CDKL3: variants seen among roughly 807,000 people sequenced by gnomAD.
CDKL3 encodes the protein cyclin dependent kinase like 3.
A neutral mutation model predicts 69.3 loss-of-function variants in CDKL3; 65 were observed. The observed-to-expected ratio is 0.94, with a 90% CI of 0.77 to 1.15. CDKL3 has a LOEUF of 1.15. Ranked by LOEUF, CDKL3 falls within the 50% of genes most tolerant of loss-of-function variation. CDKL3 has a pLI of 0.00. For missense variants in CDKL3, 652 were observed against 689.2 expected (o/e 0.95, Z 0.61); for synonymous variants, 202 against 221.6 (o/e 0.91, Z 0.79).
downstream of CDKL3, chr5:134,298,383 G>A: frequency 8.2e-7 from 1 of 1,220,796 alleles, no homozygotes; most frequent in Non-Finnish European, 1.0e-6. Flanking sequence ...TCATGTCACG[G>A]CTTGTGTTAT....
In CDKL3 at chr5:134,333,351, T is replaced by C. The variant is rs943150538; in HGVS notation, c.540-11448A>G. Among the ~76,000 whole-genome samples the C allele has an allele frequency of 3.3e-5, 5 of 152,352 alleles. No homozygotes were observed. In the South Asian group the frequency reaches 8.3e-4, roughly 25 times the overall value. On this transcript the variant is annotated intron_variant, in intron 4 of 12. Transcript: ENST00000265334. Reference sequence around the variant, plus strand: ...GCCCTGGCCAGAACTTCCAATACTGTGCTGAATAGGAGTGGTGAGAGAGGA... The same window carrying C: ...GCCCTGGCCAGAACTTCCAATACTGCGCTGAATAGGAGTGGTGAGAGAGGA...
intron 4 of CDKL3, among the ~76,000 whole-genome samples, chr5:134,341,813 G>C (rs1750564536): frequency 6.6e-6 from 1 of 152,224 alleles, no homozygotes; most frequent in Non-Finnish European, 1.5e-5. Context: ...TGCATAATAA[G>C]ATTAGAGTGG....
intron 4 of CDKL3, among the ~76,000 whole-genome samples, chr5:134,335,428 T>A (rs111970648): frequency 6.6e-6 from 1 of 152,224 alleles, no homozygotes; most frequent in Non-Finnish European, 1.5e-5. Context: ...CGATGGTCTT[T>A]ACAATTTGGC....
At chr5:134,338,708 C>T (rs140918978) in intron 4 of CDKL3, among the ~76,000 whole-genome samples, 1 of 149,902 alleles carries the variant, frequency 6.7e-6, no homozygotes, top group South Asian at 2.1e-4. Context: ...AACACACACA[C>T]ACAGATAGTA....
chr5:134,304,265 G>GA, intron 11 of CDKL3, 140 bp downstream of exon 11: 1 of 673,138 alleles, frequency 1.5e-6, no homozygotes. Flanking sequence ...ACAATGGGGA[G>GA]AAAATCTCAT....
chr5:134,370,244 A>G (rs1319808871), upstream of CDKL3, among the ~76,000 whole-genome samples: 2 of 152,242 alleles, frequency 1.3e-5, no homozygotes, highest in Non-Finnish European at 2.9e-5. Context: ...CAGAGTCCTT[A>G]GTATAACAAA....
intron 12 of CDKL3, among the ~76,000 whole-genome samples, chr5:134,300,592 TCA>T (rs1766072412): frequency 1.3e-5 from 2 of 152,210 alleles, no homozygotes; most frequent in Non-Finnish European, 2.9e-5. Flanking sequence ...GCAATTTCAG[TCA>T]CTTGTCAGAG....
At chr5:134,285,047 A>G (rs996398385), downstream of CDKL3, among the ~76,000 whole-genome samples, 5 of 152,362 alleles carry the variant, frequency 3.3e-5, no homozygotes, top group East Asian at 9.6e-4. Flanking sequence ...TGATTGGGGA[A>G]GTGATAAATG....
chr5:134,361,687 T>C (rs1177388601), intron 2 of CDKL3, among the ~76,000 whole-genome samples: 1 of 152,048 alleles, frequency 6.6e-6, no homozygotes, highest in Non-Finnish European at 1.5e-5. Flanking sequence ...GCAAATCACA[T>C]GAGGTCAGGA....
intron 4 of CDKL3, among the ~76,000 whole-genome samples, chr5:134,324,849 A>G (rs1773729455): frequency 1.3e-5 from 2 of 152,236 alleles, no homozygotes; most frequent in South Asian, 2.1e-4. Context: ...TTTAGTTAAT[A>G]ATGTTCAATA....
At chr5:134,342,853 TA>T (rs1164828863) in intron 4 of CDKL3, among the ~76,000 whole-genome samples, 2 of 151,952 alleles carry the variant, frequency 1.3e-5, no homozygotes, top group Non-Finnish European at 2.9e-5. Flanking sequence ...GAAAAGTAAA[TA>T]AAGTAGAAAG....
At chr5:134,331,858 G>A (rs967169161) in intron 4 of CDKL3, among the ~76,000 whole-genome samples, 10 of 152,176 alleles carry the variant, frequency 6.6e-5, no homozygotes, top group South Asian at 6.2e-4. Context: ...TCTAGTTCTC[G>A]ATCCTTGAGG....
chr5:134,284,515 G>A (rs1764769998), downstream of CDKL3, among the ~76,000 whole-genome samples: 1 of 152,222 alleles, frequency 6.6e-6, no homozygotes, highest in Non-Finnish European at 1.5e-5. Flanking sequence ...CAGTGTCATT[G>A]ATAAACATCT....
At chr5:134,287,995 A>C (rs1275181806) in intron 8 of CDKL3, among the ~76,000 whole-genome samples, 1 of 151,840 alleles carries the variant, frequency 6.6e-6, no homozygotes. Context: ...CCCAGGTTCA[A>C]GTGATTCTCC....
At chr5:134,310,812 ATTGT>A (rs1275849603) in intron 7 of CDKL3, among the ~76,000 whole-genome samples, 8 of 152,092 alleles carry the variant, frequency 5.3e-5, no homozygotes, top group African/African-American at 1.9e-4. Context: ...ATATCATCTT[ATTGT>A]TTGTTTTAGA....
chr5:134,311,949 C>T (rs1484843281), intron 7 of CDKL3, among the ~76,000 whole-genome samples: 1 of 152,096 alleles, frequency 6.6e-6, no homozygotes, highest in Non-Finnish European at 1.5e-5. Flanking sequence ...CGTGTGCCAC[C>T]ACACCTTGCT....
intron 7 of CDKL3, among the ~76,000 whole-genome samples, chr5:134,312,006 G>A (rs552207539): frequency 1.3e-5 from 2 of 152,094 alleles, no homozygotes; most frequent in Admixed American, 1.3e-4. Context: ...ATGTTGCCCA[G>A]GCCGGTCGTG....
intron 4 of CDKL3, among the ~76,000 whole-genome samples, chr5:134,337,438 T>A (rs557431076): frequency 6.6e-6 from 1 of 152,352 alleles, no homozygotes; most frequent in African/African-American, 2.4e-5. Flanking sequence ...TCTGCATTAG[T>A]CTTGCTGGGA....
chr5:134,309,887 A>G (rs1474361638), intron 7 of CDKL3, among the ~76,000 whole-genome samples: 1 of 152,212 alleles, frequency 6.6e-6, no homozygotes, highest in Non-Finnish European at 1.5e-5. Context: ...GCTGCAGTGC[A>G]GTGACACACT....
Sources: allele counts gnomAD v4.1 joint callset (sites outside exome capture counted in the v4.1 genomes callset), GRCh38; gene constraint gnomAD v4.1.1; transcripts MANE v1.5; gene names NCBI Gene and HGNC (gene_info 2026-07-23, HGNC 2026-07-21).